The following BNC2 variants were observed in gnomAD, a reference collection of about 807,000 sequenced individuals.
The protein encoded by BNC2 is zinc finger protein basonuclin-2.
Under a neutral mutation model 76.3 loss-of-function variants are expected in BNC2, and 20 were observed. The ratio of observed to expected loss-of-function variants is 0.26; its 90% confidence interval spans 0.18 to 0.38. The LOEUF (loss-of-function observed/expected upper bound fraction) is 0.38. Among genes scored for constraint, BNC2 ranks in the 10% least tolerant of loss-of-function variants. The probability of loss-of-function intolerance (pLI) is 1.00; values close to 1 mark genes in which losing one functional copy is unlikely to be tolerated. For synonymous variants in BNC2, 582 were observed against 514.8 expected (o/e 1.13, Z -1.77); for missense variants, 1,382 against 1,399.8 (o/e 0.99, Z 0.20).
intron 5 of BNC2, among the ~76,000 whole-genome samples, chr9:16,479,709 G>A (rs1212474355): frequency 6.6e-6 from 1 of 152,106 alleles, no homozygotes; most frequent in Non-Finnish European, 1.5e-5. Flanking sequence ...TTAAAGTACA[G>A]AAATAAACAT....
intron 3 of BNC2, among the ~76,000 whole-genome samples, chr9:16,609,363 TGAAGA>T (rs1184632790): frequency 1.3e-5 from 2 of 152,040 alleles, no homozygotes; most frequent in Admixed American, 1.3e-4. Context: ...TGTTATGATA[TGAAGA>T]GAAGGCGCAC....
chr9:16,499,535 T>C (rs1295258823), intron 5 of BNC2, among the ~76,000 whole-genome samples: 2 of 147,566 alleles, frequency 1.4e-5, no homozygotes. Context: ...TTTTTCTTTT[T>C]TTTTTTTTTT....
intron 1 of BNC2, among the ~76,000 whole-genome samples, chr9:16,759,725 A>ATTTTT (rs35836794): frequency 7.1e-6 from 1 of 141,414 alleles, no homozygotes; most frequent in Non-Finnish European, 1.6e-5. Flanking sequence ...GACATAAACT[A>ATTTTT]TTTTTTTTTT....
At chr9:16,452,164 C>T (rs183771145) in intron 5 of BNC2, among the ~76,000 whole-genome samples, 1 of 152,278 alleles carries the variant, frequency 6.6e-6, no homozygotes, top group Admixed American at 6.5e-5. Flanking sequence ...AAAATGCATA[C>T]ATTTTAAAAT....
chr9:16,712,423 T>A (rs1343307188), intron 3 of BNC2, among the ~76,000 whole-genome samples: 1 of 152,170 alleles, frequency 6.6e-6, no homozygotes, highest in Non-Finnish European at 1.5e-5. Flanking sequence ...TTTATAAGAT[T>A]TTTTCCAAAA....
intron 3 of BNC2, among the ~76,000 whole-genome samples, chr9:16,633,890 G>C (rs1235475438): frequency 6.6e-6 from 1 of 152,180 alleles, no homozygotes; most frequent in Non-Finnish European, 1.5e-5. Flanking sequence ...CAGAATTTCA[G>C]TGGGTGCCAA....
At chr9:16,615,706 T>C (rs958592851) in intron 3 of BNC2, among the ~76,000 whole-genome samples, 1 of 152,224 alleles carries the variant, frequency 6.6e-6, no homozygotes, top group Admixed American at 6.5e-5. Context: ...ATAAAATTTA[T>C]ATTAAATAAA....
intron 3 of BNC2, among the ~76,000 whole-genome samples, chr9:16,696,772 TCC>T (rs1425556369): frequency 1.2e-4 from 18 of 152,318 alleles, no homozygotes; most frequent in African/African-American, 4.3e-4. Flanking sequence ...TTCCAGCAGA[TCC>T]TCAACAAATA....
chr9:16,628,315 G>A (rs566730278), intron 3 of BNC2, among the ~76,000 whole-genome samples: 1 of 152,258 alleles, frequency 6.6e-6, no homozygotes, highest in East Asian at 1.9e-4. Context: ...TCCCCATAAT[G>A]TGCCAGCCAT....
chr9:16,547,874 C>G (rs574858969), intron 5 of BNC2, among the ~76,000 whole-genome samples: 1 of 152,266 alleles, frequency 6.6e-6, no homozygotes, highest in African/African-American at 2.4e-5. Context: ...TAGACCTCCT[C>G]AGAGCCTGTG....
intron 1 of BNC2, among the ~76,000 whole-genome samples, chr9:16,856,103 T>G (rs1563973245): frequency 6.6e-6 from 1 of 152,108 alleles, no homozygotes; most frequent in African/African-American, 2.4e-5. Context: ...GTATCAAGTA[T>G]TATCTATTGC....
At chr9:16,633,742 G>C (rs963578921) in intron 3 of BNC2, among the ~76,000 whole-genome samples, 1 of 152,052 alleles carries the variant, frequency 6.6e-6, no homozygotes, top group East Asian at 1.9e-4. Context: ...AGTAAATAGC[G>C]GTTTGCAAAC....
chr9:16,822,560 C>G (rs1240003670), intron 1 of BNC2, among the ~76,000 whole-genome samples: 1 of 152,138 alleles, frequency 6.6e-6, no homozygotes, highest in African/African-American at 2.4e-5. Context: ...AGATGGCAAT[C>G]CATTAACAAC....
At chr9:16,670,824 A>C (rs908149214) in intron 3 of BNC2, among the ~76,000 whole-genome samples, 4 of 152,242 alleles carry the variant, frequency 2.6e-5, no homozygotes, top group Admixed American at 2.6e-4. Flanking sequence ...CTATGCTTTT[A>C]GACCAAAACC....
At chr9:16,562,269 C>T (rs760151147) in intron 4 of BNC2, among the ~76,000 whole-genome samples, 2 of 152,112 alleles carry the variant, frequency 1.3e-5, no homozygotes, top group Non-Finnish European at 2.9e-5. Flanking sequence ...CTCCTCGAAC[C>T]CCACATATTC....
At position 16,857,330 on chromosome 9, in the gene BNC2, A is replaced by C. The variant is rs574191298; in HGVS notation, c.3+13316T>G. On this transcript the variant is annotated intron_variant, in intron 1 of 6. Coordinates refer to ENST00000380672, the MANE Select transcript of BNC2 (RefSeq NM_017637.6). Reference sequence around the variant, plus strand: ...CCGTCTAAACATACAAAACAAAATTAGCCGGGCGGGTTGGCAGGCACCTGT... The same window carrying C: ...CCGTCTAAACATACAAAACAAAATTCGCCGGGCGGGTTGGCAGGCACCTGT... Among the ~76,000 whole-genome samples, 22 of 152,036 alleles carry C rather than the reference A, an allele frequency of 1.4e-4. 2 individuals carry two copies. In the South Asian group the frequency reaches 4.6e-3, roughly 32 times the overall value.
chr9:16,743,819 A>G (rs1373951939), intron 1 of BNC2, among the ~76,000 whole-genome samples: 2 of 152,236 alleles, frequency 1.3e-5, no homozygotes, highest in Non-Finnish European at 2.9e-5. Context: ...AGTAAACCAT[A>G]AAGAGGCTTA....
intron 2 of BNC2, among the ~76,000 whole-genome samples, chr9:16,732,159 A>AC (rs1316208969): frequency 1.5e-5 from 2 of 136,214 alleles, no homozygotes; most frequent in East Asian, 4.6e-4. Flanking sequence ...ATTTCCTGCA[A>AC]AAAAAAAAGA....
At chr9:16,462,579 T>A (rs534997812) in intron 5 of BNC2, among the ~76,000 whole-genome samples, 30 of 152,110 alleles carry the variant, frequency 2.0e-4, no homozygotes, top group Non-Finnish European at 4.1e-4. Context: ...AAACTCCACA[T>A]AATGGAAAGT....
Sources: gnomAD v4.1 joint callset for allele counts (sites outside exome capture counted in the v4.1 genomes callset) on GRCh38, gnomAD v4.1.1 for gene constraint, MANE v1.5 for transcripts, NCBI Gene and HGNC (gene_info 2026-07-23, HGNC 2026-07-21) for gene names.